Variants in ABHD5 observed in about 807,000 individuals in gnomAD.
The protein encoded by ABHD5 is abhydrolase domain containing 5, lysophosphatidic acid acyltransferase.
ABHD5 carries 30 observed loss-of-function variants against 44.9 expected under a neutral mutation model. The ratio of observed to expected loss-of-function variants is 0.67; its 90% CI spans 0.50 to 0.91. ABHD5 has a LOEUF of 0.91. Among genes scored for constraint, ABHD5 ranks in the 40% least tolerant of loss-of-function variants. The pLI is 0.00. For missense variants in ABHD5, 399 were observed against 423.4 expected, an observed-to-expected ratio of 0.94 and a Z score of 0.50; for synonymous variants, 167 against 147.0, an observed-to-expected ratio of 1.14 and a Z score of -0.99.
chr3:43,697,521 A>G (rs2084487941), intron 1 of ABHD5, among the ~76,000 whole-genome samples: 1 of 152,196 alleles, frequency 6.6e-6, no homozygotes, highest in African/African-American at 2.4e-5. Flanking sequence ...CTTCACCTTT[A>G]ACCTCTAAAA....
intron 7 of ABHD5, among the ~76,000 whole-genome samples, chr3:43,729,617 C>G (rs2084900618): frequency 1.3e-5 from 2 of 152,122 alleles, no homozygotes; most frequent in African/African-American, 4.8e-5. Flanking sequence ...TAGGGTTGGC[C>G]TGCCATGTGT....
chr3:43,706,188 C>G (rs1434988008), intron 3 of ABHD5, among the ~76,000 whole-genome samples: 1 of 152,204 alleles, frequency 6.6e-6, no homozygotes, highest in Non-Finnish European at 1.5e-5. Flanking sequence ...CACGTTTTCT[C>G]TGGTGCAATA....
chr3:43,714,907 T>C (rs2084741760), intron 4 of ABHD5, 40 bp from the exon 5 acceptor site: 1 of 1,431,980 alleles, frequency 7.0e-7, no homozygotes, highest in Admixed American at 1.7e-5. Context: ...AAGTTAACTA[T>C]AATTTAAAAC....
At position 43,720,153 on chromosome 3, in the gene ABHD5, A is replaced by G. The variant is rs2084817101; in HGVS notation, c.*1621A>G. 1 of 152,234 alleles carries G rather than the reference A, an allele frequency of 6.6e-6. No homozygotes were observed. The highest frequency in any genetic ancestry group is 1.5e-5 in the Non-Finnish European group (1 of 68,034). 9.4% of individuals were successfully genotyped at this position (152,234 alleles called of 1,614,324 possible). ...ATGTGTTGTCTGATTTCTCTACCTT[A>G]AGAACAATAATAGTCTTTTTAGTTA... On this transcript the variant is annotated 3_prime_UTR_variant, in exon 7 of 7. Coordinates refer to ENST00000644371, the MANE Select transcript of ABHD5 (RefSeq NM_016006.6).
downstream of ABHD5, among the ~76,000 whole-genome samples, chr3:43,725,683 G>C (rs570725227): frequency 1.5e-3 from 236 of 152,282 alleles, 1 homozygote; most frequent in Non-Finnish European, 2.6e-3. Flanking sequence ...GAGTTCTTAA[G>C]CTGGTTTGCC....
rs2084828813 is a variant in ABHD5, at chr3:43,720,952, T to C, written c.*2420T>C. 1 of 151,188 alleles carries C rather than the reference T, an allele frequency of 6.6e-6. No individual in the cohort carries two copies. The highest frequency in any genetic ancestry group is 1.5e-5 in the Non-Finnish European group (1 of 67,898). 9.4% of individuals were successfully genotyped at this position (151,188 alleles called of 1,614,324 possible). ...CTTGCCTAAGGTTGGTTTTAGAATA[T>C]GATTTGCAGAACACTTTTGAAATGT... On this transcript the variant is annotated 3_prime_UTR_variant, in exon 7 of 7. Coordinates refer to ENST00000644371, the MANE Select transcript of ABHD5 (RefSeq NM_016006.6).
chr3:43,715,666 A>T (rs754985522), intron 5 of ABHD5, among the ~76,000 whole-genome samples: 3 of 152,188 alleles, frequency 2.0e-5, no homozygotes, highest in Non-Finnish European at 4.4e-5. Flanking sequence ...CATGTTGAGA[A>T]AGTCTTGGTC....
In ABHD5 at chr3:43,711,673, A is replaced by G. The variant is rs370140651; in HGVS notation, c.507-36A>G. On this transcript the variant is annotated intron_variant, in intron 3 of 6. Coordinates refer to ENST00000644371, the MANE Select transcript of ABHD5 (RefSeq NM_016006.6). ...CTCTTTATAGTCTTAGGGTGATTTT[A>G]CCAAATGAACTTAAATATATTCTTT... 3 of 1,612,522 alleles carry G rather than the reference A, an allele frequency of 1.9e-6. No homozygotes were observed. In the African/African-American group the frequency reaches 4.0e-5, roughly 22 times the overall value.
intron 3 of ABHD5, among the ~76,000 whole-genome samples, chr3:43,709,766 C>T (rs539766035): frequency 2.3e-4 from 35 of 152,108 alleles, no homozygotes; most frequent in Non-Finnish European, 3.8e-4. Flanking sequence ...AATTTAGGGC[C>T]GGGCACAGTG....
chr3:43,693,994 C>T (rs2084437395), intron 1 of ABHD5, among the ~76,000 whole-genome samples: 1 of 151,966 alleles, frequency 6.6e-6, no homozygotes, highest in African/African-American at 2.4e-5. Context: ...CCTTCCTGCT[C>T]CTAAACTAAA....
chr3:43,704,891 A>G (rs1225573722), intron 3 of ABHD5, among the ~76,000 whole-genome samples: 1 of 152,248 alleles, frequency 6.6e-6, no homozygotes, highest in East Asian at 1.9e-4. Flanking sequence ...TGCTTGAAAT[A>G]ATTAGCCTGT....
At chr3:43,712,319 C>G (rs1005951823) in intron 4 of ABHD5, among the ~76,000 whole-genome samples, 25 of 152,216 alleles carry the variant, frequency 1.6e-4, no homozygotes, top group African/African-American at 5.5e-4. Context: ...ACAGGTACCA[C>G]CACACTCACA....
At chr3:43,732,748 A>G (rs1697259614) in intron 7 of ABHD5, among the ~76,000 whole-genome samples, 1 of 152,214 alleles carries the variant, frequency 6.6e-6, no homozygotes, top group South Asian at 2.1e-4. Flanking sequence ...GACATGGCTG[A>G]GCTAGGTCCT....
intron 7 of ABHD5, among the ~76,000 whole-genome samples, chr3:43,728,482 A>G (rs902055917): frequency 2.0e-5 from 3 of 152,190 alleles, no homozygotes; most frequent in African/African-American, 7.2e-5. Context: ...ACTCTTTAAG[A>G]GGTGATGTTC....
In ABHD5 at chr3:43,696,542, C is replaced by T. The variant is rs368866381; in HGVS notation, c.48-2734C>T. 1.4e-4 allele frequency among the ~76,000 whole-genome samples: 22 copies of T among 152,204 alleles called. No individual in the cohort carries two copies. In the East Asian group the frequency reaches 3.7e-3, roughly 25 times the overall value. On this transcript the variant is annotated intron_variant, in intron 1 of 6. Transcript: ENST00000644371. ...AGGTGAGATTAATTTATCCCGAAGA[C>T]AGGAGGTAGAGTTGGATGGGTAAGT...
rs1292999867 is a variant in ABHD5, at chr3:43,690,989, G to A, written c.-4G>A. On this transcript the variant is annotated 5_prime_UTR_variant, in exon 1 of 7. Transcript: ENST00000644371. ...TAAGTCCCGGCGCTTGCGCGGCGGC[G>A]GCTATGGCGGCGGAGGAGGAGGAGG... 2 of 1,573,078 alleles carry A rather than the reference G, an allele frequency of 1.3e-6. No individual in the cohort carries two copies. Among genetic ancestry groups the A allele is most frequent in the Non-Finnish European group, 1.7e-6 (2 of 1,162,808 alleles).
chr3:43,692,400 T>C (rs2149589359), intron 1 of ABHD5, among the ~76,000 whole-genome samples: 1 of 152,354 alleles, frequency 6.6e-6, no homozygotes, highest in East Asian at 1.9e-4. Flanking sequence ...CATTTTTGAC[T>C]CTTGACACTA....
chr3:43,726,182 CT>C (rs1265499308), downstream of ABHD5, among the ~76,000 whole-genome samples: 1 of 152,038 alleles, frequency 6.6e-6, no homozygotes, highest in African/African-American at 2.4e-5. Flanking sequence ...AGTTTTTAAC[CT>C]GCGAATGTTT....
At chr3:43,729,790 C>T (rs897044166) in intron 7 of ABHD5, among the ~76,000 whole-genome samples, 3 of 152,144 alleles carry the variant, frequency 2.0e-5, no homozygotes, top group Non-Finnish European at 4.4e-5. Context: ...TAGTATAGGC[C>T]AGCACTGTAT....
Sources: gnomAD v4.1 joint callset for allele counts (sites outside exome capture counted in the v4.1 genomes callset) on GRCh38, gnomAD v4.1.1 for gene constraint, MANE v1.5 for transcripts, NCBI Gene and HGNC (gene_info 2026-07-23, HGNC 2026-07-21) for gene names.